Variants in DPP8 observed in about 807,000 individuals in gnomAD.
DPP8 encodes the protein dipeptidyl peptidase 8.
In DPP8, 31 loss-of-function variants were observed where a neutral mutation model predicts 107.5. That is an observed-to-expected ratio of 0.29 (90% CI 0.22 to 0.39). The LOEUF is 0.39. Ranked by LOEUF, DPP8 falls within the 10% of genes least tolerant of loss-of-function variation. The pLI is 1.00. For synonymous variants in DPP8, 381 were observed against 356.6 expected (o/e 1.07, Z -0.77); for missense variants, 842 against 1,076.1 (o/e 0.78, Z 3.04).
chr15:65,466,624 T>A, intron 14 of DPP8, 54 bp downstream of exon 14: 1 of 1,476,676 alleles, frequency 6.8e-7, no homozygotes, highest in South Asian at 1.1e-5. Context: ...ACACGTTTAG[T>A]GTACTAATAT....
At chr15:65,506,286 G>A (rs1013775763) in intron 3 of DPP8, among the ~76,000 whole-genome samples, 4 of 151,806 alleles carry the variant, frequency 2.6e-5, no homozygotes, top group Non-Finnish European at 4.4e-5. Flanking sequence ...CCAAGACTGC[G>A]CCATTGAACT....
chr15:65,503,248 A>G (rs4417511), intron 3 of DPP8, among the ~76,000 whole-genome samples: 2 of 150,798 alleles, frequency 1.3e-5, no homozygotes, highest in South Asian at 2.1e-4. Context: ...CTGGGATTAT[A>G]TGCATGCACA....
At chr15:65,511,405 T>C (rs1233929873) in intron 2 of DPP8, among the ~76,000 whole-genome samples, 5 of 151,848 alleles carry the variant, frequency 3.3e-5, no homozygotes, top group Non-Finnish European at 5.9e-5. Flanking sequence ...GGCACAATTA[T>C]ATAATGGAAT....
intron 3 of DPP8, among the ~76,000 whole-genome samples, chr15:65,506,114 G>A (rs2069948896): frequency 1.3e-5 from 2 of 150,324 alleles, no homozygotes; most frequent in African/African-American, 4.9e-5. Flanking sequence ...GGCAGATCAC[G>A]AGGTCAGGAG....
chr15:65,491,247 C>T (rs913652408), intron 5 of DPP8, among the ~76,000 whole-genome samples: 16 of 150,498 alleles, frequency 1.1e-4, no homozygotes, highest in African/African-American at 3.9e-4. Context: ...TATTGAATAG[C>T]ATTTATACTG....
rs2066657179 is a variant in DPP8 at position 65,479,016 on chromosome 15, A to G, written c.1320T>C (p.Phe440=). 6.3e-7 allele frequency: 1 copy of G among 1,583,958 alleles called. No individual in the cohort carries two copies. The highest frequency in any genetic ancestry group is 1.4e-5 in the African/African-American group (1 of 73,320). ...CAATTTCCTCTTCGTGACTTTGGGGAAAAACATGAAAGATGTCATGGATCT... is the reference window on the plus strand; with the variant it reads ...CAATTTCCTCTTCGTGACTTTGGGGGAAAACATGAAAGATGTCATGGATCT... ...WINIHDIFHV[F]PQSHEEEIEF... The change falls in exon 11 of 20, where the codon TTT becomes TTC. Residue 440 remains phenylalanine, a synonymous_variant. Coordinates refer to ENST00000300141, the MANE Select transcript of DPP8 (RefSeq NM_130434.5).
chr15:65,467,925 T>C (rs2065503246), intron 12 of DPP8, among the ~76,000 whole-genome samples: 1 of 152,226 alleles, frequency 6.6e-6, no homozygotes, highest in Non-Finnish European at 1.5e-5. Flanking sequence ...TGTTATATTA[T>C]CTTAGGCAGT....
chr15:65,476,849 C>T (rs1185057163), intron 11 of DPP8, among the ~76,000 whole-genome samples: 3 of 152,026 alleles, frequency 2.0e-5, no homozygotes, highest in South Asian at 2.1e-4. Context: ...TACAACGAAA[C>T]CTTACTCAGC....
In DPP8 at chr15:65,487,803, T is replaced by C. The variant is rs772374895; in HGVS notation, c.842A>G (p.Lys281Arg). 1.3e-6 allele frequency: 2 copies of C among 1,565,984 alleles called. No homozygotes were observed. The highest frequency in any genetic ancestry group is 8.8e-7 in the Non-Finnish European group (1 of 1,141,218). Residue 281 changes from lysine (K) to arginine (R), a missense_variant, in exon 7 of 20, where the codon AAA becomes AGA. Lys to Arg is a conservative substitution (Grantham distance 26). This residue lies in a region of DPP8 where 663 missense variants were observed against 758.0 expected (regional missense o/e 0.87). Transcript: ENST00000300141. ...TTCTTCATATAGAATTCTAAGAATT[T>C]TACCACCACTGGGAGCTTAAAAGAA... ...PKAETTPSGG[K>R]ILRILYEEND... is the part of the protein sequence containing the mutation.
intron 1 of DPP8, 99 bp from the exon 2 acceptor site, chr15:65,512,663 G>C: frequency 7.4e-7 from 1 of 1,357,814 alleles, no homozygotes; most frequent in South Asian, 1.4e-5. Context: ...AGTGGGGAGG[G>C]CAAGAAAAAA....
At chr15:65,461,438 T>A (rs959530013) in intron 15 of DPP8, among the ~76,000 whole-genome samples, 5 of 152,154 alleles carry the variant, frequency 3.3e-5, no homozygotes, top group Non-Finnish European at 7.4e-5. Flanking sequence ...CCCAGCCTAA[T>A]CTTTAAAATC....
At chr15:65,474,720 T>C (rs1163198790) in intron 11 of DPP8, among the ~76,000 whole-genome samples, 1 of 152,226 alleles carries the variant, frequency 6.6e-6, no homozygotes, top group Non-Finnish European at 1.5e-5. Flanking sequence ...CCCCTGGCCT[T>C]GGCCTCTCAA....
chr15:65,484,325 C>CA (rs75931988), intron 8 of DPP8, among the ~76,000 whole-genome samples: 6,632 of 101,352 alleles, frequency 0.065, 524 homozygotes, highest in African/African-American at 0.21. Flanking sequence ...GACTCTGTCT[C>CA]AAAAAAAAAA....
At chr15:65,468,467 C>G (rs550610919) in intron 12 of DPP8, among the ~76,000 whole-genome samples, 36 of 151,032 alleles carry the variant, frequency 2.4e-4, no homozygotes, top group African/African-American at 8.8e-4. Context: ...GCATTCCAGC[C>G]TGGGCAACAG....
At chr15:65,516,001 T>C (rs1192007875) in intron 1 of DPP8, 2 of 435,268 alleles carry the variant, frequency 4.6e-6, no homozygotes, top group Non-Finnish European at 8.0e-6. Context: ...TAGCCCAATA[T>C]AGTCAAAAGA....
chr15:65,497,720 T>C (rs3759852), intron 5 of DPP8, 144 bp downstream of exon 5: 116,907 of 521,810 alleles, frequency 0.22, 17,697 homozygotes, highest in East Asian at 0.69. Context: ...CTCTGTACTT[T>C]TCTCCATTTT....
In DPP8 at chr15:65,463,749, A is replaced by G; in HGVS notation, c.1971+12T>C. ...TATGGGTGTATGTATATATGTATAT[A>G]AATATGCCCACCTGAGGACCACCAT... On this transcript the variant is annotated intron_variant, in intron 15 of 19. Coordinates refer to ENST00000300141, the MANE Select transcript of DPP8 (RefSeq NM_130434.5). 2.5e-6 allele frequency: 4 copies of G among 1,605,134 alleles called. No homozygotes were observed. The highest frequency in any genetic ancestry group is 2.6e-6 in the Non-Finnish European group (3 of 1,172,668).
intron 19 of DPP8, among the ~76,000 whole-genome samples, chr15:65,448,865 AATATATATAT>A (rs58549410): frequency 0.018 from 955 of 53,198 alleles, 104 homozygotes; most frequent in Admixed American, 0.026. Context: ...ATATATCTAA[AATATATATAT>A]ATATATATAT....
At chr15:65,461,203 G>A (rs773276304) in intron 15 of DPP8, among the ~76,000 whole-genome samples, 6 of 152,088 alleles carry the variant, frequency 3.9e-5, no homozygotes, top group Non-Finnish European at 8.8e-5. Context: ...GGAGTATAGC[G>A]GCATGATTAT....
Sources: allele counts gnomAD v4.1 joint callset (sites outside exome capture counted in the v4.1 genomes callset), GRCh38; gene constraint gnomAD v4.1.1; regional missense constraint gnomAD v4.1.1; transcripts MANE v1.5; gene names NCBI Gene and HGNC (gene_info 2026-07-23, HGNC 2026-07-21).